The following SYT1 variants were observed in gnomAD, a reference collection of about 807,000 sequenced individuals.
The protein encoded by SYT1 is synaptotagmin-1.
In SYT1, 8 loss-of-function variants were observed where a neutral mutation model predicts 44.8. The ratio of observed to expected loss-of-function variants is 0.18; its 90% CI spans 0.10 to 0.32. The LOEUF (loss-of-function observed/expected upper bound fraction) is 0.32, where lower values mean the gene tolerates loss of function less well. SYT1 is among the 10% of genes least tolerant of loss of function. The pLI is 1.00. For missense variants in SYT1, 286 were observed against 509.3 expected, an observed-to-expected ratio of 0.56 and a Z score of 4.22; for synonymous variants, 154 against 188.8, an observed-to-expected ratio of 0.82 and a Z score of 1.51.
chr12:78,920,619 A>T (rs1876930313), intron 1 of SYT1, among the ~76,000 whole-genome samples: 1 of 151,988 alleles, frequency 6.6e-6, no homozygotes, highest in Non-Finnish European at 1.5e-5. Flanking sequence ...ACATAACCAC[A>T]TTGAGAATAG....
At chr12:79,265,208 TAC>T (rs1278936241) in intron 4 of SYT1, among the ~76,000 whole-genome samples, 3 of 152,260 alleles carry the variant, frequency 2.0e-5, no homozygotes, top group East Asian at 3.9e-4. Context: ...ACAAATCATT[TAC>T]AGGGTTTTTA....
chr12:79,153,485 G>A lies in SYT1; in HGVS notation c.-17-64018G>A, dbSNP rs116685554. Among the ~76,000 whole-genome samples the A allele has an allele frequency of 5.7e-3, 863 of 152,084 alleles. 11 individuals are homozygous for A. Among genetic ancestry groups the A allele is most frequent in the African/African-American group, 0.019 (799 of 41,498 alleles). On this transcript the variant is annotated intron_variant, in intron 3 of 10. Coordinates refer to ENST00000261205, the MANE Select transcript of SYT1 (RefSeq NM_005639.3). ...GCAATCTATGTTATAGGATGGCTGT[G>A]GTTAAAAACTCAGTTGATGAACAAT... is the stretch of plus-strand genomic sequence containing the variant.
chr12:79,282,132 C>A (rs908962965), intron 4 of SYT1, among the ~76,000 whole-genome samples: 11 of 152,156 alleles, frequency 7.2e-5, no homozygotes, highest in Non-Finnish European at 1.6e-4. Context: ...TGAGTCTACA[C>A]TCAGATAATT....
At chr12:79,205,454 T>C (rs1874065337) in intron 3 of SYT1, among the ~76,000 whole-genome samples, 1 of 152,218 alleles carries the variant, frequency 6.6e-6, no homozygotes, top group South Asian at 2.1e-4. Context: ...GAAACTGCAA[T>C]GATATTTTAT....
At chr12:78,882,162 G>T (rs1874494578) in intron 1 of SYT1, among the ~76,000 whole-genome samples, 2 of 151,722 alleles carry the variant, frequency 1.3e-5, no homozygotes, top group South Asian at 4.1e-4. Context: ...TTCAAAAAAC[G>T]TTTGCTGAAT....
At chr12:79,229,485 G>T (rs1369044352) in intron 4 of SYT1, among the ~76,000 whole-genome samples, 1 of 152,102 alleles carries the variant, frequency 6.6e-6, no homozygotes, top group African/African-American at 2.4e-5. Context: ...TCAAAATATA[G>T]AAAGTGTGTC....
chr12:78,880,077 A>G (rs1874372668), intron 1 of SYT1, among the ~76,000 whole-genome samples: 1 of 151,772 alleles, frequency 6.6e-6, no homozygotes, highest in Non-Finnish European at 1.5e-5. Context: ...AGAATTTATC[A>G]ATTTATCATT....
rs149090482 is a variant in SYT1 at position 79,064,975 on chromosome 12, A to G, written c.-18+17613A>G. Among the ~76,000 whole-genome samples, 514 of 149,276 alleles carry G rather than the reference A, an allele frequency of 3.4e-3. 4 individuals carry two copies. The highest frequency in any genetic ancestry group is 0.012 in the African/African-American group (474 of 39,456). ...AAGAAAGAAAGAAAGAAAGAAAGAA[A>G]GAAAGAAAGAAAGAAAGAAAGAAAA... On this transcript the variant is annotated intron_variant, in intron 3 of 10. Transcript: ENST00000261205.
chr12:79,335,160 C>A (rs1306189334), intron 8 of SYT1, among the ~76,000 whole-genome samples: 3 of 152,138 alleles, frequency 2.0e-5, no homozygotes, highest in African/African-American at 7.2e-5. Context: ...GCAAGCAGTG[C>A]TTTCCTACAC....
chr12:79,171,470 T>G (rs1592815339), intron 3 of SYT1, among the ~76,000 whole-genome samples: 2 of 151,930 alleles, frequency 1.3e-5, no homozygotes, highest in African/African-American at 4.8e-5. Context: ...GAAATATTTT[T>G]AAGGAAGATG....
At chr12:79,123,352 T>TGTGTGTGTGTG (rs1565816421) in intron 3 of SYT1, among the ~76,000 whole-genome samples, 51 of 149,774 alleles carry the variant, frequency 3.4e-4, no homozygotes, top group African/African-American at 4.5e-4. Flanking sequence ...TGTGTGTGTG[T>TGTGTGTGTGTG]TTAGCTATCA....
intron 9 of SYT1, among the ~76,000 whole-genome samples, chr12:79,421,098 A>T (rs1869083534): frequency 6.6e-6 from 1 of 152,140 alleles, no homozygotes; most frequent in African/African-American, 2.4e-5. Flanking sequence ...TTCAAAGTAG[A>T]CCTAAAAACA....
chr12:79,430,856 G>T (rs1240659752), intron 9 of SYT1, among the ~76,000 whole-genome samples: 1 of 152,180 alleles, frequency 6.6e-6, no homozygotes, highest in Non-Finnish European at 1.5e-5. Flanking sequence ...GTTCATTCAG[G>T]TATCTAGCAA....
chr12:79,375,152 C>G (rs1005130216), intron 9 of SYT1, among the ~76,000 whole-genome samples: 1 of 151,854 alleles, frequency 6.6e-6, no homozygotes, highest in South Asian at 2.1e-4. Context: ...TCTTAGCTTA[C>G]GACCTACAGA....
At chr12:79,164,253 G>C (rs1479289479) in intron 3 of SYT1, among the ~76,000 whole-genome samples, 4 of 151,992 alleles carry the variant, frequency 2.6e-5, no homozygotes, top group Non-Finnish European at 5.9e-5. Flanking sequence ...TACTGCGGAG[G>C]ACCACTTAGC....
intron 1 of SYT1, among the ~76,000 whole-genome samples, chr12:78,902,834 T>C (rs536790529): frequency 1.3e-4 from 20 of 152,288 alleles, no homozygotes; most frequent in Non-Finnish European, 2.9e-4. Context: ...ATGAAATTTG[T>C]AGCGTGCTGT....
At chr12:79,266,465 A>G (rs1281956232) in intron 4 of SYT1, among the ~76,000 whole-genome samples, 1 of 152,208 alleles carries the variant, frequency 6.6e-6, no homozygotes, top group Admixed American at 6.5e-5. Flanking sequence ...AAAACCTACA[A>G]TAGCAAGAGT....
chr12:79,124,273 A>G (rs1868335214), intron 3 of SYT1, among the ~76,000 whole-genome samples: 1 of 152,190 alleles, frequency 6.6e-6, no homozygotes, highest in African/African-American at 2.4e-5. Flanking sequence ...TGTAATTGGA[A>G]GAACATAGAT....
chr12:79,192,581 G>A (rs1424648665), intron 3 of SYT1, among the ~76,000 whole-genome samples: 1 of 152,102 alleles, frequency 6.6e-6, no homozygotes, highest in Non-Finnish European at 1.5e-5. Flanking sequence ...GTGGGGAAAG[G>A]ATGCAAAGGA....
Sources: gnomAD v4.1 joint callset for allele counts (sites outside exome capture counted in the v4.1 genomes callset) on GRCh38, gnomAD v4.1.1 for gene constraint, MANE v1.5 for transcripts, NCBI Gene and HGNC (gene_info 2026-07-23, HGNC 2026-07-21) for gene names.